The following BCKDHB variants were observed in gnomAD, a reference collection of about 807,000 sequenced individuals.
BCKDHB encodes branched chain keto acid dehydrogenase E1 subunit beta, also known as 2-oxoisovalerate dehydrogenase subunit beta, mitochondrial.
BCKDHB carries 41 observed loss-of-function variants against 48.5 expected under a neutral mutation model. The ratio of observed to expected loss-of-function variants is 0.85; its 90% CI spans 0.66 to 1.10. BCKDHB has a LOEUF of 1.10. Ranked by LOEUF, BCKDHB falls within the 50% of genes least tolerant of loss-of-function variation. BCKDHB has a pLI of 0.00. For synonymous variants in BCKDHB, 201 were observed against 174.8 expected (o/e 1.15, Z -1.18); for missense variants, 496 against 494.2 (o/e 1.00, Z -0.03).
chr6:80,131,705 C>T (rs372612991), intron 3 of BCKDHB, among the ~76,000 whole-genome samples: 12 of 151,496 alleles, frequency 7.9e-5, no homozygotes, highest in African/African-American at 2.4e-4. Context: ...TGCAGTGGTG[C>T]GATCTTGGCT....
At chr6:80,301,106 A>G (rs4706832) in intron 9 of BCKDHB, among the ~76,000 whole-genome samples, 114,461 of 151,772 alleles carry the variant, frequency 0.75, 43,999 homozygotes, top group Admixed American at 0.86. Context: ...CGAATTAACA[A>G]TCTAACTTTT....
chr6:80,248,464 T>TCACTCAGTGAA (rs1305387659), intron 8 of BCKDHB, among the ~76,000 whole-genome samples: 31 of 152,310 alleles, frequency 2.0e-4, no homozygotes, highest in African/African-American at 6.0e-4. Context: ...AAAGATTAAT[T>TCACTCAGTGAA]CACTCAGTGT....
intron 6 of BCKDHB, among the ~76,000 whole-genome samples, chr6:80,197,934 TCATCCATCCATCCATC>T (rs10651030): frequency 1.9e-4 from 28 of 148,858 alleles, no homozygotes; most frequent in Non-Finnish European, 3.0e-4. Flanking sequence ...ATCCATCTGT[TCATCCATCCATCCATC>T]CATCCATCCA....
the BCKDHB span, among the ~76,000 whole-genome samples, chr6:80,403,547 A>C: frequency 6.6e-6 from 1 of 151,822 alleles, no homozygotes; most frequent in African/African-American, 2.4e-5. Context: ...CACTTCTTCT[A>C]TTCTAATGTT....
chr6:80,366,551 A>G, the BCKDHB span, among the ~76,000 whole-genome samples: 9 of 152,216 alleles, frequency 5.9e-5, no homozygotes, highest in African/African-American at 2.2e-4. Context: ...TGTTATGCAT[A>G]AAGTGATTTA....
At chr6:80,169,697 G>C (rs1208933609) in intron 5 of BCKDHB, 21 of 888,814 alleles carry the variant, frequency 2.4e-5, no homozygotes, top group Non-Finnish European at 3.2e-5. Flanking sequence ...GATCATTGTA[G>C]AAACCCATAG....
chr6:80,385,788 G>A, the BCKDHB span, among the ~76,000 whole-genome samples: 9 of 152,234 alleles, frequency 5.9e-5, no homozygotes, highest in South Asian at 8.3e-4. Context: ...CCGAGTTTTC[G>A]AATTTATATA....
At chr6:80,195,549 G>C (rs1480948410) in intron 6 of BCKDHB, among the ~76,000 whole-genome samples, 1 of 152,122 alleles carries the variant, frequency 6.6e-6, no homozygotes, top group Non-Finnish European at 1.5e-5. Context: ...GAAAATAATA[G>C]TGAAAAGAAT....
intron 8 of BCKDHB, among the ~76,000 whole-genome samples, chr6:80,241,819 T>C (rs1159655148): frequency 6.6e-6 from 1 of 152,236 alleles, no homozygotes. Context: ...AATGGTATCC[T>C]ACTGGGTTTA....
At chr6:80,313,534 T>C (rs1001660231) in intron 9 of BCKDHB, among the ~76,000 whole-genome samples, 1 of 152,162 alleles carries the variant, frequency 6.6e-6, no homozygotes, top group Non-Finnish European at 1.5e-5. Context: ...CTAATTTTTG[T>C]ATTTTTAGTA....
At chr6:80,409,515 A>G in the BCKDHB span, among the ~76,000 whole-genome samples, 1 of 128,508 alleles carries the variant, frequency 7.8e-6, no homozygotes. Context: ...TGGGAGTCTG[A>G]GTCTCTTTGT....
In BCKDHB at chr6:80,144,257, T is replaced by C. The variant is rs767664506; in HGVS notation, c.343+15028T>C. On this transcript the variant is annotated intron_variant, in intron 3 of 9. Transcript: ENST00000320393. Reference sequence around the variant, plus strand: ...ACCTGAAAAGGAAAACTTATCGTGTTCTTAACAAATTCATAAGTCCAGTAA... The same window carrying C: ...ACCTGAAAAGGAAAACTTATCGTGTCCTTAACAAATTCATAAGTCCAGTAA... Among the ~76,000 whole-genome samples, 32 of 152,296 alleles carry C rather than the reference T, an allele frequency of 2.1e-4. No homozygotes were observed. The South Asian group carries it at 2.3e-3, about 11-fold the overall frequency.
chr6:80,233,311 G>C (rs1776011172), intron 8 of BCKDHB, among the ~76,000 whole-genome samples: 1 of 152,096 alleles, frequency 6.6e-6, no homozygotes, highest in Non-Finnish European at 1.5e-5. Flanking sequence ...TATTACCCTA[G>C]TTGTCTCTAG....
intron 9 of BCKDHB, among the ~76,000 whole-genome samples, chr6:80,314,995 C>T (rs112021515): frequency 0.011 from 1,648 of 152,322 alleles, 23 homozygotes; most frequent in African/African-American, 0.037. Context: ...TGGCAGCCCA[C>T]CTCTCCCCAC....
the BCKDHB span, among the ~76,000 whole-genome samples, chr6:80,383,359 A>T: frequency 6.6e-6 from 1 of 152,068 alleles, no homozygotes; most frequent in Non-Finnish European, 1.5e-5. Flanking sequence ...CTGTTCTATA[A>T]TTTTTAAAAA....
chr6:80,296,487 C>A (rs532425613), intron 9 of BCKDHB, among the ~76,000 whole-genome samples: 1 of 152,260 alleles, frequency 6.6e-6, no homozygotes, highest in South Asian at 2.1e-4. Context: ...AAGACAACAT[C>A]ACTCCTGTAT....
the BCKDHB span, among the ~76,000 whole-genome samples, chr6:80,378,475 A>T: frequency 6.6e-6 from 1 of 152,002 alleles, no homozygotes; most frequent in Non-Finnish European, 1.5e-5. Flanking sequence ...GTGTATATAT[A>T]TAATATAAAG....
chr6:80,344,085 C>CGATCTTCCAGACTCAAGCAAT lies in BCKDHB; in HGVS notation c.*281_*282insGATCTTCCAGACTCAAGCAAT. ...GTGCAATCTCAGCTCACTGCAACCT[C>CGATCTTCCAGACTCAAGCAAT]CCCCCTACCCCTGAGTTCAAGCGAT... is the stretch of plus-strand genomic sequence containing the variant. On this transcript the variant is annotated 3_prime_UTR_variant, in exon 10 of 10. Coordinates refer to ENST00000320393, the MANE Select transcript of BCKDHB (RefSeq NM_183050.4). The CGATCTTCCAGACTCAAGCAAT allele has an allele frequency of 2.4e-6, 1 of 420,846 alleles. No individual in the cohort carries two copies. The allele number at this position is 420,846 out of a possible 1,614,324, so 26.1% of individuals were successfully genotyped here. A position where few individuals can be genotyped will look rare whatever the true frequency, so the allele number is the denominator to read the frequency against.
chr6:80,270,902 T>A (rs1238192721), intron 8 of BCKDHB, among the ~76,000 whole-genome samples: 1 of 152,110 alleles, frequency 6.6e-6, no homozygotes, highest in African/African-American at 2.4e-5. Context: ...GAGAAGATTA[T>A]AACTACAAAA....
Sources: allele counts gnomAD v4.1 joint callset (sites outside exome capture counted in the v4.1 genomes callset), GRCh38; gene constraint gnomAD v4.1.1; transcripts MANE v1.5; gene names NCBI Gene and HGNC (gene_info 2026-07-23, HGNC 2026-07-21).